CSMD1: variants seen among roughly 807,000 people sequenced by gnomAD.
The protein encoded by CSMD1 is CUB and Sushi multiple domains 1, also known as CUB and sushi domain-containing protein 1.
Under a neutral mutation model 417.5 loss-of-function variants are expected in CSMD1, and 213 were observed. The observed-to-expected ratio is 0.51, with a 90% CI of 0.46 to 0.57. The LOEUF is 0.57. CSMD1 is among the 20% of genes least tolerant of loss of function. The pLI is 0.00. For missense variants in CSMD1, 6,923 were observed against 4,529.7 expected, an observed-to-expected ratio of 1.53 and a Z score of -15.17; for synonymous variants, 2,862 against 1,736.8, an observed-to-expected ratio of 1.65 and a Z score of -16.11.
At chr8:3,954,158 A>C (rs999922896) in intron 5 of CSMD1, among the ~76,000 whole-genome samples, 1 of 152,162 alleles carries the variant, frequency 6.6e-6, no homozygotes, top group Non-Finnish European at 1.5e-5. Context: ...GGGTCTGTAG[A>C]AACTTCAGCC....
chr8:4,165,773 G>A (rs528320231), intron 3 of CSMD1, among the ~76,000 whole-genome samples: 2 of 152,160 alleles, frequency 1.3e-5, no homozygotes, highest in Non-Finnish European at 2.9e-5. Flanking sequence ...GCCATGAGGT[G>A]TTAGCTCACG....
intron 12 of CSMD1, among the ~76,000 whole-genome samples, chr8:3,460,455 CTCTA>C (rs1423974515): frequency 1.3e-5 from 2 of 152,072 alleles, no homozygotes; most frequent in African/African-American, 4.8e-5. Flanking sequence ...TAGGAACACT[CTCTA>C]TGTTCATTTT....
chr8:3,551,457 AG>A (rs1798908184), intron 10 of CSMD1, among the ~76,000 whole-genome samples: 2 of 152,140 alleles, frequency 1.3e-5, no homozygotes, highest in Admixed American at 1.3e-4. Flanking sequence ...TAAGGAGAAA[AG>A]AACATATTTT....
At chr8:4,990,595 A>C in intron 1 of CSMD1, among the ~76,000 whole-genome samples, 1 of 152,042 alleles carries the variant, frequency 6.6e-6, no homozygotes, top group Admixed American at 6.6e-5. Flanking sequence ...CTGACCTTTG[A>C]TGATCCACCC....
At chr8:3,936,302 T>A (rs1810487594) in intron 5 of CSMD1, among the ~76,000 whole-genome samples, 1 of 152,166 alleles carries the variant, frequency 6.6e-6, no homozygotes. Flanking sequence ...CGAAGGTGGC[T>A]ACACTAAAAG....
chr8:4,006,544 G>A (rs1178898115), intron 4 of CSMD1, among the ~76,000 whole-genome samples: 2 of 152,030 alleles, frequency 1.3e-5, no homozygotes, highest in East Asian at 1.9e-4. Flanking sequence ...CCTTGCCTCA[G>A]AATAAATAAA....
intron 5 of CSMD1, among the ~76,000 whole-genome samples, chr8:3,956,935 A>C (rs965172937): frequency 2.0e-5 from 3 of 152,184 alleles, no homozygotes; most frequent in African/African-American, 7.2e-5. Context: ...TTCATATCTA[A>C]AAAGAATATT....
In CSMD1 at chr8:4,907,724, ATTTT is replaced by A. The variant is rs33995355; in HGVS notation, c.85+86604_85+86607del. Among the ~76,000 whole-genome samples, 31 of 147,130 alleles carry A rather than the reference ATTTT, an allele frequency of 2.1e-4. 1 individual carries two copies. Among genetic ancestry groups the A allele is most frequent in the Admixed American group, 9.4e-4 (14 of 14,856 alleles). ...CAGGCACATGCCACTATCCCCGGCA[ATTTT>A]TTTTTTTTTTCATTTTTTGTAGAGA... is the stretch of plus-strand genomic sequence containing the variant. On this transcript the variant is annotated intron_variant, in intron 1 of 69. Transcript: ENST00000635120.
At chr8:4,298,974 A>C (rs534917687) in intron 3 of CSMD1, among the ~76,000 whole-genome samples, 2 of 152,248 alleles carry the variant, frequency 1.3e-5, no homozygotes, top group East Asian at 3.9e-4. Flanking sequence ...TAGAACAATG[A>C]AAGTGTTGCT....
intron 2 of CSMD1, among the ~76,000 whole-genome samples, chr8:4,456,972 T>A: frequency 1.2e-5 from 1 of 81,442 alleles, no homozygotes; most frequent in African/African-American, 3.6e-5. Context: ...TTTTGATGAG[T>A]GTGGTTTTTT....
chr8:4,469,854 G>T (rs1800421241), intron 2 of CSMD1, among the ~76,000 whole-genome samples: 1 of 150,568 alleles, frequency 6.6e-6, no homozygotes, highest in East Asian at 2.0e-4. Flanking sequence ...TACGTGATCT[G>T]GCCTTTGGTT....
chr8:4,088,714 A>G (rs73658569), intron 3 of CSMD1, among the ~76,000 whole-genome samples: 18 of 151,956 alleles, frequency 1.2e-4, no homozygotes, highest in Admixed American at 7.2e-4. Flanking sequence ...CCCGACCCCA[A>G]AGCTCTGCAG....
At chr8:4,097,043 T>A (rs1274999639) in intron 3 of CSMD1, among the ~76,000 whole-genome samples, 2 of 152,246 alleles carry the variant, frequency 1.3e-5, no homozygotes, top group Admixed American at 6.5e-5. Context: ...TTTAATTAAC[T>A]GATGCCTCAT....
At position 4,811,248 on chromosome 8, in the gene CSMD1, T is replaced by A. The variant is rs185318729; in HGVS notation, c.86-173690A>T. Among the ~76,000 whole-genome samples, 348 of 152,308 alleles carry A rather than the reference T, an allele frequency of 2.3e-3. 1 individual carries two copies. The highest frequency in any genetic ancestry group is 7.9e-3 in the African/African-American group (330 of 41,564). ...CAAGAGAACTGAAGACAATTCAATT[T>A]TATTGAATTTCAATTTAACCTGCTT... On this transcript the variant is annotated intron_variant, in intron 1 of 69. Coordinates refer to ENST00000635120, the MANE Select transcript of CSMD1 (RefSeq NM_033225.6).
chr8:3,055,842 A>G (rs924617305), intron 49 of CSMD1, among the ~76,000 whole-genome samples: 1 of 152,304 alleles, frequency 6.6e-6, no homozygotes, highest in African/African-American at 2.4e-5. Flanking sequence ...TGTACCTCTC[A>G]ATAACAGTGT....
intron 7 of CSMD1, among the ~76,000 whole-genome samples, chr8:3,689,381 C>T (rs1249190334): frequency 1.3e-5 from 2 of 152,178 alleles, no homozygotes; most frequent in Admixed American, 6.5e-5. Context: ...ATCAGAAATG[C>T]CAGAGTCCCC....
At chr8:2,999,364 G>A (rs1023998580) in intron 53 of CSMD1, among the ~76,000 whole-genome samples, 1 of 151,940 alleles carries the variant, frequency 6.6e-6, no homozygotes, top group Non-Finnish European at 1.5e-5. Flanking sequence ...CCATCGGCCA[G>A]GCTCGTCTTG....
At chr8:3,660,334 G>T (rs911077616) in intron 7 of CSMD1, among the ~76,000 whole-genome samples, 1 of 152,152 alleles carries the variant, frequency 6.6e-6, no homozygotes, top group Admixed American at 6.5e-5. Flanking sequence ...CAGGATTATT[G>T]ACAGGACTGA....
Position 3,359,332 on chromosome 8 carries a change from G to A in CSMD1, c.3124C>T (p.Leu1042=). 6.2e-7 allele frequency: 1 copy of A among 1,613,092 alleles called. No homozygotes were observed. The highest frequency in any genetic ancestry group is 8.5e-7 in the Non-Finnish European group (1 of 1,179,548). ...ACTCCAGGATCATCACATGGCTCCA[G>A]GTCATATTCTGAGGCATGCAGAGAC... The part of the protein sequence containing the change: ...GFNITFSEYD[L]EPCDDPGVPA... Residue 1042 remains leucine (L), a synonymous_variant, in exon 21 of 70, where the codon CTG becomes TTG. Coordinates refer to ENST00000635120, the MANE Select transcript of CSMD1 (RefSeq NM_033225.6).
Sources: gnomAD v4.1 joint callset for allele counts (sites outside exome capture counted in the v4.1 genomes callset) on GRCh38, gnomAD v4.1.1 for gene constraint, MANE v1.5 for transcripts, NCBI Gene and HGNC (gene_info 2026-07-23, HGNC 2026-07-21) for gene names.